Variants in TPTE observed in about 807,000 individuals in gnomAD.
TPTE encodes the protein putative tyrosine-protein phosphatase TPTE.
A neutral mutation model predicts 84.1 loss-of-function variants in TPTE; 59 were observed. The ratio of observed to expected loss-of-function variants is 0.70; its 90% confidence interval spans 0.57 to 0.87. The LOEUF is 0.87. Ranked by LOEUF, TPTE falls within the 40% of genes least tolerant of loss-of-function variation. The pLI, the probability that TPTE is intolerant of heterozygous loss-of-function variation, is 0.00. For synonymous variants in TPTE, 130 were observed against 223.5 expected (o/e 0.58, Z 3.73); for missense variants, 382 against 659.6 (o/e 0.58, Z 4.61).
At chr21:10,597,713 C>T (rs111679707) in intron 20 of TPTE, among the ~76,000 whole-genome samples, 5,328 of 139,820 alleles carry the variant, frequency 0.038, no homozygotes, top group East Asian at 0.11. Context: ...CCATGCCTGG[C>T]CTAGCTTCCC....
chr21:10,547,808 A>T (rs972130070), intron 7 of TPTE, among the ~76,000 whole-genome samples: 2 of 152,304 alleles, frequency 1.3e-5, no homozygotes, highest in African/African-American at 4.8e-5. Flanking sequence ...AATGCAGAGC[A>T]GGGAAATCAA....
intron 7 of TPTE, among the ~76,000 whole-genome samples, chr21:10,544,398 AT>A (rs1159418141): frequency 1.3e-5 from 2 of 152,426 alleles, no homozygotes; most frequent in Non-Finnish European, 2.9e-5. Context: ...TTATTATTGT[AT>A]TTTTTGAGAT....
At chr21:10,556,006 C>T (rs2074675417) in intron 8 of TPTE, among the ~76,000 whole-genome samples, 1 of 152,306 alleles carries the variant, frequency 6.6e-6, no homozygotes, top group South Asian at 2.1e-4. Flanking sequence ...TTTATCTTTA[C>T]TTTTAGAATC....
intron 17 of TPTE, among the ~76,000 whole-genome samples, chr21:10,581,871 A>T (rs573821408): frequency 1.2e-3 from 180 of 151,784 alleles, no homozygotes; most frequent in African/African-American, 4.2e-3. Flanking sequence ...AGTAAGTGGG[A>T]CTACAGGTGA....
intron 17 of TPTE, among the ~76,000 whole-genome samples, chr21:10,583,411 T>C (rs1173009999): frequency 1.3e-5 from 2 of 152,310 alleles, no homozygotes; most frequent in African/African-American, 4.8e-5. Flanking sequence ...TTCTTAACCA[T>C]TTTTCTCCTG....
At chr21:10,599,340 C>T (rs1600986810) in intron 21 of TPTE, among the ~76,000 whole-genome samples, 2 of 152,306 alleles carry the variant, frequency 1.3e-5, no homozygotes, top group African/African-American at 4.8e-5. Context: ...TCTCCTTACC[C>T]TTTCTTTCTC....
At chr21:10,589,732 G>T (rs1171786779) in intron 17 of TPTE, among the ~76,000 whole-genome samples, 1 of 152,306 alleles carries the variant, frequency 6.6e-6, no homozygotes, top group Non-Finnish European at 1.5e-5. Context: ...CACATACTGA[G>T]GCTTCACTCA....
intron 8 of TPTE, among the ~76,000 whole-genome samples, chr21:10,556,927 TAGA>T (rs1307216626): frequency 6.6e-6 from 1 of 152,308 alleles, no homozygotes; most frequent in East Asian, 1.9e-4. Context: ...GAGTTCTTTG[TAGA>T]TTCTGGATAT....
chr21:10,531,947 C>A (rs1206863549), intron 3 of TPTE, among the ~76,000 whole-genome samples: 1 of 152,298 alleles, frequency 6.6e-6, no homozygotes, highest in African/African-American at 2.4e-5. Context: ...TTTATGTAAT[C>A]ATTGTCAATG....
At chr21:10,555,052 A>C (rs1244688957) in intron 8 of TPTE, among the ~76,000 whole-genome samples, 1 of 152,422 alleles carries the variant, frequency 6.6e-6, no homozygotes, top group African/African-American at 2.4e-5. Context: ...TACAAATCCC[A>C]TTTCATTAAA....
chr21:10,530,616 G>A (rs7280329), intron 3 of TPTE, among the ~76,000 whole-genome samples: 52 of 152,394 alleles, frequency 3.4e-4, no homozygotes, highest in Non-Finnish European at 6.2e-4. Context: ...AAAGAGTGCC[G>A]CTAAATAATT....
At chr21:10,533,903 T>G (rs1264515698) in intron 3 of TPTE, among the ~76,000 whole-genome samples, 1 of 152,310 alleles carries the variant, frequency 6.6e-6, no homozygotes, top group Non-Finnish European at 1.5e-5. Flanking sequence ...GCTGGCAATG[T>G]GGCCAGACAG....
At chr21:10,586,053 T>C (rs2075358689) in intron 17 of TPTE, among the ~76,000 whole-genome samples, 1 of 152,298 alleles carries the variant, frequency 6.6e-6, no homozygotes. Context: ...TGGTCTCTAT[T>C]TTTTACTTAT....
chr21:10,591,005 T>C (rs1212534978), intron 18 of TPTE, among the ~76,000 whole-genome samples: 6 of 152,310 alleles, frequency 3.9e-5, no homozygotes, highest in African/African-American at 1.4e-4. Flanking sequence ...TACCATGACT[T>C]CTTCCTTCCT....
chr21:10,593,527 A>G (rs1387989851), intron 19 of TPTE, among the ~76,000 whole-genome samples: 1 of 152,310 alleles, frequency 6.6e-6, no homozygotes, highest in Non-Finnish European at 1.5e-5. Flanking sequence ...AGAAACCAGG[A>G]TGTTTATCCT....
intron 18 of TPTE, among the ~76,000 whole-genome samples, chr21:10,590,985 C>T (rs1373266521): frequency 6.6e-6 from 1 of 152,310 alleles, no homozygotes; most frequent in Non-Finnish European, 1.5e-5. Context: ...CCTGCTCTTC[C>T]TCCTGCCAGT....
intron 3 of TPTE, among the ~76,000 whole-genome samples, chr21:10,527,726 G>A (rs1396870743): frequency 2.6e-5 from 4 of 152,310 alleles, no homozygotes; most frequent in Non-Finnish European, 5.9e-5. Context: ...GCCCTCAGCA[G>A]CAAGAAAGGA....
intron 9 of TPTE, among the ~76,000 whole-genome samples, chr21:10,560,252 G>A (rs1341613750): frequency 6.6e-6 from 1 of 152,300 alleles, no homozygotes; most frequent in African/African-American, 2.4e-5. Context: ...CTTTAATTCT[G>A]GAAACAATTT....
chr21:10,567,080 C>G (rs1216233870), intron 10 of TPTE, among the ~76,000 whole-genome samples: 1 of 81,412 alleles, frequency 1.2e-5, no homozygotes, highest in East Asian at 4.5e-4. Context: ...GGATAAACAT[C>G]ACATGTTCTC....
Sources: gnomAD v4.1 joint callset for allele counts (sites outside exome capture counted in the v4.1 genomes callset) on GRCh38, gnomAD v4.1.1 for gene constraint, MANE v1.5 for transcripts, NCBI Gene and HGNC (gene_info 2026-07-23, HGNC 2026-07-21) for gene names.